MBNL2: variants seen among roughly 807,000 people sequenced by gnomAD.
MBNL2 encodes muscleblind like splicing regulator 2, also known as muscleblind-like protein 2.
Under a neutral mutation model 41.9 loss-of-function variants are expected in MBNL2, and 17 were observed. The ratio of observed to expected loss-of-function variants is 0.41; its 90% CI spans 0.28 to 0.61. The LOEUF (loss-of-function observed/expected upper bound fraction) is 0.61, where lower values mean the gene tolerates loss of function less well. MBNL2 is among the 20% of genes least tolerant of loss of function. MBNL2 has a pLI of 0.35. For missense variants in MBNL2, 336 were observed against 505.6 expected (o/e 0.66, Z 3.22); for synonymous variants, 195 against 182.9 (o/e 1.07, Z -0.53).
At chr13:97,190,232 C>T in the MBNL2 span, among the ~76,000 whole-genome samples, 2 of 152,210 alleles carry the variant, frequency 1.3e-5, no homozygotes, top group Non-Finnish European at 1.5e-5. Context: ...GTACATTTTC[C>T]AGCTCCCTTG....
At position 97,346,925 on chromosome 13, in the gene MBNL2, A is replaced by C; in HGVS notation, c.662A>C (p.Tyr221Ser). The part of the protein sequence containing the change: ...SDNTVTVCMD[Y>S]IKGRCMREKC... ...AACACCGTAACCGTTTGTATGGATT[A>C]CATAAAGGGGCGTTGCATGAGGGAG... Residue 221 changes from tyrosine (Y) to serine (S), a missense_variant, in exon 5 of 9, where the codon TAC becomes TCC. Transcript: ENST00000679496. This position sits in a 1 kb window ranked among gnomAD's most constrained non-coding sequence, Gnocchi z 4.2. 1.2e-6 allele frequency: 2 copies of C among 1,614,142 alleles called. No homozygotes were observed. The highest frequency in any genetic ancestry group is 1.7e-6 in the Non-Finnish European group (2 of 1,179,962).
chr13:97,340,856 T>C (rs578011046), intron 3 of MBNL2, among the ~76,000 whole-genome samples: 1 of 152,298 alleles, frequency 6.6e-6, no homozygotes, highest in African/African-American at 2.4e-5. Context: ...AAGACAAAAG[T>C]TACCTAATTG....
chr13:97,287,747 C>G (rs1169749279), intron 2 of MBNL2, among the ~76,000 whole-genome samples: 1 of 103,014 alleles, frequency 9.7e-6, no homozygotes, highest in Non-Finnish European at 1.8e-5. Flanking sequence ...TTTTTTGAGA[C>G]AGAATTTCAC....
At chr13:97,317,122 T>C (rs1237271559) in intron 2 of MBNL2, among the ~76,000 whole-genome samples, 1 of 152,124 alleles carries the variant, frequency 6.6e-6, no homozygotes, top group Non-Finnish European at 1.5e-5. Flanking sequence ...GGTGGGTATG[T>C]ATCTAGGGCT....
At chr13:97,342,031 A>C (rs1449856154) in intron 3 of MBNL2, among the ~76,000 whole-genome samples, 1 of 152,238 alleles carries the variant, frequency 6.6e-6, no homozygotes, top group African/African-American at 2.4e-5. Context: ...TCTATAATTA[A>C]CAACCAACCA....
At chr13:97,335,117 A>G (rs1444065017) in intron 3 of MBNL2, among the ~76,000 whole-genome samples, 1 of 152,222 alleles carries the variant, frequency 6.6e-6, no homozygotes, top group Non-Finnish European at 1.5e-5. Context: ...GGGACTTAGC[A>G]TATAAATATG....
intron 8 of MBNL2, among the ~76,000 whole-genome samples, chr13:97,390,561 G>A (rs1399703555): frequency 5.3e-5 from 8 of 152,140 alleles, no homozygotes; most frequent in African/African-American, 1.9e-4. Flanking sequence ...ACATTTAATG[G>A]ATTGGACCAC....
rs543872227 is a variant in MBNL2 at position 97,298,959 on chromosome 13, G to A, written c.174+22550G>A. Among the ~76,000 whole-genome samples the A allele has an allele frequency of 1.6e-4, 24 of 152,248 alleles. No homozygotes were observed. The South Asian group carries it at 5.0e-3, about 32-fold the overall frequency. Reference sequence around the variant, plus strand: ...GTCACATGGTCACCTGATAAGTGTAGGCAAGCTGTAATCTCATAGTATAAT... The same window carrying A: ...GTCACATGGTCACCTGATAAGTGTAAGCAAGCTGTAATCTCATAGTATAAT... On this transcript the variant is annotated intron_variant, in intron 2 of 8. Coordinates refer to ENST00000679496, the MANE Select transcript of MBNL2 (RefSeq NM_001382683.1).
In MBNL2 at chr13:97,366,596, A is replaced by C. The variant is rs764421743; in HGVS notation, c.1048+1425A>C. 8.4e-7 allele frequency: 1 copy of C among 1,184,286 alleles called. No homozygotes were observed. Among genetic ancestry groups the C allele is most frequent in the Non-Finnish European group, 1.3e-6 (1 of 795,994 alleles). The allele number at this position is 1,184,286 out of a possible 1,614,324, so 73.4% of individuals were successfully genotyped here. On this transcript the variant is annotated intron_variant, in intron 8 of 8. Transcript: ENST00000679496. The surrounding 1 kb of genome is among the most constrained non-coding windows in gnomAD (Gnocchi z 4.7). ...CTTTCTTTCACAAATCCCAAACTCTAAATGAGTGCTGATATTTAAAAAAAA... is the reference window on the plus strand; with the variant it reads ...CTTTCTTTCACAAATCCCAAACTCTCAATGAGTGCTGATATTTAAAAAAAA...
At chr13:97,212,899 C>A in the MBNL2 span, among the ~76,000 whole-genome samples, 2 of 152,086 alleles carry the variant, frequency 1.3e-5, no homozygotes, top group Non-Finnish European at 1.5e-5. Context: ...CAGGGTTAAG[C>A]TTTGGAAGGG....
intron 2 of MBNL2, among the ~76,000 whole-genome samples, chr13:97,304,995 G>A (rs1433181074): frequency 1.3e-5 from 2 of 152,096 alleles, no homozygotes; most frequent in Admixed American, 1.3e-4. Flanking sequence ...GAAATCTGCT[G>A]CTTAAAAAAA....
intron 2 of MBNL2, among the ~76,000 whole-genome samples, chr13:97,307,296 A>G (rs1480879372): frequency 6.6e-6 from 1 of 151,984 alleles, no homozygotes; most frequent in Non-Finnish European, 1.5e-5. Flanking sequence ...TTGCCTTTCA[A>G]CTTTGAACTT....
At chr13:97,167,336 C>A in the MBNL2 span, among the ~76,000 whole-genome samples, 1 of 150,626 alleles carries the variant, frequency 6.6e-6, no homozygotes, top group South Asian at 2.1e-4. Flanking sequence ...ACATGCTCCA[C>A]AATGTTGCCA....
At chr13:97,349,981 T>A (rs2062286781) in intron 5 of MBNL2, among the ~76,000 whole-genome samples, 1 of 152,184 alleles carries the variant, frequency 6.6e-6, no homozygotes, top group Non-Finnish European at 1.5e-5. Context: ...CTGTGGTCAG[T>A]GACAGGATGC....
intron 2 of MBNL2, among the ~76,000 whole-genome samples, chr13:97,323,852 G>A (rs1243644560): frequency 1.3e-5 from 2 of 152,122 alleles, no homozygotes; most frequent in African/African-American, 2.4e-5. Flanking sequence ...ATACAGACAT[G>A]CAATGTGAAA....
intron 2 of MBNL2, among the ~76,000 whole-genome samples, chr13:97,279,590 T>C (rs1462177216): frequency 1.3e-5 from 2 of 152,204 alleles, no homozygotes; most frequent in African/African-American, 4.8e-5. Context: ...TACAAATTAG[T>C]CATGACAAGA....
intron 1 of MBNL2, among the ~76,000 whole-genome samples, chr13:97,244,879 C>A (rs887948077): frequency 5.9e-5 from 9 of 152,144 alleles, no homozygotes; most frequent in African/African-American, 2.2e-4. Context: ...AATCTAATTA[C>A]TGAAGAGCTT....
intron 2 of MBNL2, among the ~76,000 whole-genome samples, chr13:97,303,700 G>A (rs1189813274): frequency 1.3e-5 from 2 of 152,172 alleles, no homozygotes; most frequent in East Asian, 1.9e-4. Context: ...TCCGTCTGAC[G>A]GGTTATTGTT....
chr13:97,261,437 C>T (rs1355646686), intron 1 of MBNL2, among the ~76,000 whole-genome samples: 1 of 152,130 alleles, frequency 6.6e-6, no homozygotes, highest in South Asian at 2.1e-4. Context: ...TAGCCTCATA[C>T]CTCAGGCCTT....
Sources: allele counts gnomAD v4.1 joint callset (sites outside exome capture counted in the v4.1 genomes callset), GRCh38; gene constraint gnomAD v4.1.1; non-coding constraint Gnocchi (gnomAD v3.1); transcripts MANE v1.5; gene names NCBI Gene and HGNC (gene_info 2026-07-23, HGNC 2026-07-21).